ELMO1: variants seen among roughly 807,000 people sequenced by gnomAD.
The protein encoded by ELMO1 is engulfment and cell motility protein 1.
A neutral mutation model predicts 98.9 loss-of-function variants in ELMO1; 26 were observed. That is an observed-to-expected ratio of 0.26 (90% CI 0.19 to 0.36). The LOEUF is 0.36. Among genes scored for constraint, ELMO1 ranks in the 10% least tolerant of loss-of-function variants. The pLI is 1.00. For synonymous variants in ELMO1, 346 were observed against 346.0 expected, an observed-to-expected ratio of 1.00 and a Z score of 0.00; for missense variants, 627 against 935.2, an observed-to-expected ratio of 0.67 and a Z score of 4.30.
In ELMO1 at chr7:36,874,556, A is replaced by T. The variant is rs540090849; in HGVS notation, c.1822+3454T>A. On this transcript the variant is annotated intron_variant, in intron 19 of 21. Coordinates refer to ENST00000310758, the MANE Select transcript of ELMO1 (RefSeq NM_014800.11). ...TTAATTCTGTAGATGGAGAGACCTGAATTATTCGCTGTGCTTTGGTGACCC... is the reference window on the plus strand; with the variant it reads ...TTAATTCTGTAGATGGAGAGACCTGTATTATTCGCTGTGCTTTGGTGACCC... 1.4e-3 allele frequency among the ~76,000 whole-genome samples: 207 copies of T among 152,330 alleles called. 1 individual carries two copies. The highest frequency in any genetic ancestry group is 4.9e-3 in the African/African-American group (202 of 41,582).
At chr7:37,160,349 A>G (rs1232075611) in intron 13 of ELMO1, among the ~76,000 whole-genome samples, 1 of 152,244 alleles carries the variant, frequency 6.6e-6, no homozygotes, top group Non-Finnish European at 1.5e-5. Flanking sequence ...TCAATCCTCC[A>G]CAAATGAATC....
intron 1 of ELMO1, chr7:37,376,095 A>G (rs1171422449): frequency 1.8e-5 from 6 of 339,678 alleles, no homozygotes; most frequent in Non-Finnish European, 2.8e-5. Context: ...ACAAACAAAC[A>G]AACAAAAAAA....
rs3807166 is a variant in ELMO1 at position 36,879,723 on chromosome 7, A to G, written c.1715-1606T>C. Among the ~76,000 whole-genome samples the G allele has an allele frequency of 9.2e-5, 14 of 152,278 alleles. No individual in the cohort carries two copies. In the East Asian group the frequency reaches 2.5e-3, roughly 27 times the overall value. ...AATCCATAGATTTAAAGGAATCTGA[A>G]CTCTAGTGGAAAAAATTGAGTGGGA... On this transcript the variant is annotated intron_variant, in intron 18 of 21. Coordinates refer to ENST00000310758, the MANE Select transcript of ELMO1 (RefSeq NM_014800.11).
intron 16 of ELMO1, among the ~76,000 whole-genome samples, chr7:36,949,012 C>T (rs570838757): frequency 9.2e-5 from 14 of 152,262 alleles, no homozygotes; most frequent in Admixed American, 5.9e-4. Context: ...CCTGCCACTA[C>T]GCCCAGCTAA....
In ELMO1 at chr7:37,231,132, CATA is replaced by C. The variant is rs1794151291; in HGVS notation, c.549+1960_549+1962del. On this transcript the variant is annotated intron_variant, in intron 8 of 21. Transcript: ENST00000310758. ...CATCCCCTTTGGCTTTATGGATTTA[CATA>C]AGGAAAGAGAGTTGATTCTGAGATG... is the stretch of plus-strand genomic sequence containing the variant. Among the ~76,000 whole-genome samples the C allele has an allele frequency of 2.6e-5, 4 of 152,108 alleles. No homozygotes were observed. In the South Asian group the frequency reaches 8.3e-4, roughly 32 times the overall value.
At chr7:37,177,289 C>T (rs980227572) in intron 13 of ELMO1, among the ~76,000 whole-genome samples, 1 of 151,982 alleles carries the variant, frequency 6.6e-6, no homozygotes, top group African/African-American at 2.4e-5. Context: ...GGTTGCCAAA[C>T]ACATTCACAC....
intron 14 of ELMO1, among the ~76,000 whole-genome samples, chr7:37,120,256 T>C (rs947935683): frequency 1.3e-5 from 2 of 152,218 alleles, no homozygotes; most frequent in Admixed American, 6.5e-5. Context: ...ACTGAGATAC[T>C]GGGTTCATCT....
chr7:37,430,875 T>C (rs1342602510), intron 1 of ELMO1, among the ~76,000 whole-genome samples: 1 of 152,230 alleles, frequency 6.6e-6, no homozygotes, highest in Admixed American at 6.5e-5. Flanking sequence ...TGGGTGGTGA[T>C]TAATTTCAAC....
intron 4 of ELMO1, among the ~76,000 whole-genome samples, chr7:37,308,264 C>A (rs186523027): frequency 6.6e-6 from 1 of 152,288 alleles, no homozygotes; most frequent in East Asian, 1.9e-4. Flanking sequence ...GCAATCCAAT[C>A]GTTTGTCATC....
chr7:37,249,364 C>A (rs183378318), intron 6 of ELMO1, among the ~76,000 whole-genome samples: 52 of 152,290 alleles, frequency 3.4e-4, no homozygotes, highest in Admixed American at 1.6e-3. Context: ...TGGGGAGGAA[C>A]TAATAATTTA....
At chr7:37,124,734 C>T (rs1037950788) in intron 14 of ELMO1, among the ~76,000 whole-genome samples, 3 of 152,018 alleles carry the variant, frequency 2.0e-5, no homozygotes, top group Non-Finnish European at 4.4e-5. Context: ...AGATTCAATG[C>T]CATCCCCATC....
intron 19 of ELMO1, among the ~76,000 whole-genome samples, chr7:36,872,068 G>A (rs150493688): frequency 6.0e-4 from 92 of 152,294 alleles, no homozygotes; most frequent in Non-Finnish European, 1.1e-3. Context: ...TCTGGCCACA[G>A]AAAACTACAC....
intron 13 of ELMO1, among the ~76,000 whole-genome samples, chr7:37,193,215 C>G (rs866966878): frequency 6.6e-5 from 10 of 151,900 alleles, no homozygotes; most frequent in Middle Eastern, 6.8e-3. Flanking sequence ...TGACCACTTC[C>G]CCCCTGGATT....
At chr7:36,972,224 A>C (rs985666318) in intron 16 of ELMO1, among the ~76,000 whole-genome samples, 2 of 152,238 alleles carry the variant, frequency 1.3e-5, no homozygotes, top group African/African-American at 4.8e-5. Context: ...ACTTAAACCC[A>C]AGAGCTCTGG....
intron 7 of ELMO1, among the ~76,000 whole-genome samples, chr7:37,240,125 A>G (rs117096167): frequency 0.085 from 12,190 of 143,176 alleles, 787 homozygotes; most frequent in Admixed American, 0.19. Flanking sequence ...TGCAACCTCC[A>G]CCTCCCTAGC....
chr7:37,163,894 A>G (rs1789428896), intron 13 of ELMO1, among the ~76,000 whole-genome samples: 1 of 152,192 alleles, frequency 6.6e-6, no homozygotes, highest in South Asian at 2.1e-4. Context: ...CTAGTTCTAG[A>G]TCCCTGAAGA....
chr7:37,134,573 A>G lies in ELMO1; in HGVS notation c.1087-1339T>C, dbSNP rs552652158. The stretch of plus-strand genomic sequence containing the variant: ...GACTCCATCTCAAAAAAAAAAAAAA[A>G]AAGAAGAAATCATTATACCAAAAAG... On this transcript the variant is annotated intron_variant, in intron 13 of 21. Coordinates refer to ENST00000310758, the MANE Select transcript of ELMO1 (RefSeq NM_014800.11). Among the ~76,000 whole-genome samples, 23 of 151,708 alleles carry G rather than the reference A, an allele frequency of 1.5e-4. No homozygotes were observed. In the South Asian group the frequency reaches 1.7e-3, roughly 11 times the overall value.
chr7:37,411,943 T>G (rs1227026476), intron 1 of ELMO1, among the ~76,000 whole-genome samples: 1 of 152,244 alleles, frequency 6.6e-6, no homozygotes, highest in South Asian at 2.1e-4. Flanking sequence ...AAGTACATAT[T>G]TAATTAATAT....
intron 16 of ELMO1, among the ~76,000 whole-genome samples, chr7:36,913,364 A>T (rs1263738665): frequency 1.3e-5 from 2 of 152,232 alleles, no homozygotes; most frequent in Admixed American, 1.3e-4. Flanking sequence ...GTATTTAATA[A>T]GTTTGTTTCA....
Sources: gnomAD v4.1 joint callset for allele counts (sites outside exome capture counted in the v4.1 genomes callset) on GRCh38, gnomAD v4.1.1 for gene constraint, MANE v1.5 for transcripts, NCBI Gene and HGNC (gene_info 2026-07-23, HGNC 2026-07-21) for gene names.